Variants in ADAMTSL1 observed in about 807,000 individuals in gnomAD.
ADAMTSL1 encodes the protein ADAMTS like 1.
ADAMTSL1 carries 126 observed loss-of-function variants against 201.8 expected under a neutral mutation model. The ratio of observed to expected loss-of-function variants is 0.62; its 90% confidence interval spans 0.54 to 0.72. The LOEUF is 0.72. ADAMTSL1 is among the 30% of genes least tolerant of loss of function. The pLI is 0.00. For synonymous variants in ADAMTSL1, 1,121 were observed against 903.4 expected (o/e 1.24, Z -4.32); for missense variants, 2,679 against 2,277.8 (o/e 1.18, Z -3.59).
chr9:18,091,095 G>GTA (rs1554693731), intron 1 of ADAMTSL1, among the ~76,000 whole-genome samples: 3 of 151,416 alleles, frequency 2.0e-5, no homozygotes, highest in African/African-American at 7.3e-5. Flanking sequence ...GTGTGTGTGT[G>GTA]TACCTAACTT....
intron 19 of ADAMTSL1, among the ~76,000 whole-genome samples, chr9:18,785,792 A>G (rs968244804): frequency 6.6e-6 from 1 of 152,258 alleles, no homozygotes; most frequent in African/African-American, 2.4e-5. Flanking sequence ...GTCTAAATCC[A>G]GTTCTAGAAA....
chr9:18,133,669 GGT>G lies in ADAMTSL1; in HGVS notation c.88-30192_88-30191del, dbSNP rs1221145090. On this transcript the variant is annotated intron_variant, in intron 1 of 29. Coordinates refer to the ADAMTSL1 transcript ENST00000680146. ...GCCCAGGAACCTGCATTCACACCCA[GGT>G]CCCTATGGCTTCAGAACCCAAATTC... Among the ~76,000 whole-genome samples, 986 of 152,164 alleles carry G rather than the reference GGT, an allele frequency of 6.5e-3. 7 individuals carry two copies. Among genetic ancestry groups the G allele is most frequent in the African/African-American group, 0.023 (936 of 41,500 alleles).
At position 18,905,914 on chromosome 9, in the gene ADAMTSL1, C is replaced by G. The variant is rs748842774; in HGVS notation, c.4961+23C>G. 6 of 1,563,220 alleles carry G rather than the reference C, an allele frequency of 3.8e-6. No individual in the cohort carries two copies. The South Asian group carries it at 5.8e-5, about 15-fold the overall frequency. ...GAGGTAAGAGAAAGCCCTGAATCTCCTTTTCCCAGCCCCATGTCAACAGCA... is the reference window on the plus strand; with the variant it reads ...GAGGTAAGAGAAAGCCCTGAATCTCGTTTTCCCAGCCCCATGTCAACAGCA... On this transcript the variant is annotated intron_variant, in intron 27 of 28. Transcript: ENST00000380548.
At chr9:18,547,392 C>T (rs184354498) in intron 3 of ADAMTSL1, among the ~76,000 whole-genome samples, 2 of 151,658 alleles carry the variant, frequency 1.3e-5, no homozygotes. Context: ...GGTTCAAAAG[C>T]AAGAGAAAAA....
At chr9:18,347,986 A>G (rs1835797484) in intron 2 of ADAMTSL1, among the ~76,000 whole-genome samples, 1 of 152,230 alleles carries the variant, frequency 6.6e-6, no homozygotes, top group African/African-American at 2.4e-5. Context: ...GTTAAAGGGA[A>G]GAAGAAAGGA....
At chr9:18,014,499 A>G (rs1443340616) in intron 1 of ADAMTSL1, among the ~76,000 whole-genome samples, 1 of 152,134 alleles carries the variant, frequency 6.6e-6, no homozygotes, top group Admixed American at 6.5e-5. Context: ...ATATTAAGAT[A>G]GACTAATGAA....
At chr9:18,802,866 G>A (rs1248367406) in intron 20 of ADAMTSL1, among the ~76,000 whole-genome samples, 1 of 152,144 alleles carries the variant, frequency 6.6e-6, no homozygotes, top group African/African-American at 2.4e-5. Context: ...CTCACCAACA[G>A]TTGTTTTCAT....
chr9:18,266,749 G>T (rs963953533), intron 2 of ADAMTSL1, among the ~76,000 whole-genome samples: 3 of 152,066 alleles, frequency 2.0e-5, no homozygotes, highest in Admixed American at 2.0e-4. Flanking sequence ...CAGTAAACAT[G>T]GCCAGCTTCT....
intron 1 of ADAMTSL1, among the ~76,000 whole-genome samples, chr9:18,155,024 TA>T (rs1205825782): frequency 6.6e-6 from 1 of 151,998 alleles, no homozygotes; most frequent in Admixed American, 6.6e-5. Flanking sequence ...GTCACAGATA[TA>T]AGAATTACAC....
At chr9:18,006,095 A>C (rs1314651866) in intron 1 of ADAMTSL1, among the ~76,000 whole-genome samples, 1 of 151,982 alleles carries the variant, frequency 6.6e-6, no homozygotes, top group Non-Finnish European at 1.5e-5. Flanking sequence ...CGGGAAAAAA[A>C]AAAGAAAGCT....
chr9:18,377,476 C>T (rs1420174099), intron 2 of ADAMTSL1, among the ~76,000 whole-genome samples: 3 of 152,144 alleles, frequency 2.0e-5, no homozygotes, highest in Admixed American at 6.5e-5. Context: ...GCAATGCAGA[C>T]GTTGGCATTT....
intron 15 of ADAMTSL1, among the ~76,000 whole-genome samples, chr9:18,734,674 C>T (rs2133503093): frequency 6.6e-6 from 1 of 152,318 alleles, no homozygotes; most frequent in East Asian, 1.9e-4. Flanking sequence ...ATGGATTCAC[C>T]TAATCCAGGT....
At chr9:18,141,553 A>T (rs1196966300) in intron 1 of ADAMTSL1, among the ~76,000 whole-genome samples, 1 of 152,192 alleles carries the variant, frequency 6.6e-6, no homozygotes, top group South Asian at 2.1e-4. Context: ...GGCAGCACAG[A>T]GGTGTCTAGC....
At position 18,906,785 on chromosome 9, in the gene ADAMTSL1, C is replaced by T. The variant is rs141799391; in HGVS notation, c.5055C>T (p.Tyr1685=). The T allele has an allele frequency of 1.9e-5, 31 of 1,614,016 alleles. No individual in the cohort carries two copies. The highest frequency in any genetic ancestry group is 7.7e-5 in the South Asian group (7 of 91,084). The change falls in exon 28 of 29, where the codon TAC becomes TAT. Residue 1685 remains tyrosine, a synonymous_variant. Coordinates refer to ENST00000380548, the MANE Select transcript of ADAMTSL1 (RefSeq NM_001040272.6). ...WTLCTATCGN[Y]GFQSRRVECV... ...TGTGCACAGCTACCTGTGGCAACTA[C>T]GGCTTCCAGTCCCGGCGTGTGGAGT...
At chr9:18,230,716 C>G (rs114419541) in intron 2 of ADAMTSL1, among the ~76,000 whole-genome samples, 1,839 of 152,188 alleles carry the variant, frequency 0.012, 47 homozygotes, top group African/African-American at 0.042. Flanking sequence ...AACATACATG[C>G]ATTACTTTTT....
At chr9:18,806,326 T>C (rs1037289606) in intron 20 of ADAMTSL1, among the ~76,000 whole-genome samples, 1 of 152,248 alleles carries the variant, frequency 6.6e-6, no homozygotes, top group Non-Finnish European at 1.5e-5. Context: ...TCATGTTCCA[T>C]CTGCTAGAAC....
chr9:18,621,613 C>T (rs1402483258), intron 4 of ADAMTSL1, among the ~76,000 whole-genome samples: 1 of 150,112 alleles, frequency 6.7e-6, no homozygotes, highest in East Asian at 2.0e-4. Context: ...AAGTTTGTAT[C>T]TGTTTGCTGA....
At chr9:18,716,333 A>C (rs1466599133) in intron 14 of ADAMTSL1, among the ~76,000 whole-genome samples, 2 of 151,524 alleles carry the variant, frequency 1.3e-5, no homozygotes, top group Non-Finnish European at 3.0e-5. Flanking sequence ...TTCGCAACCT[A>C]CTCATCTGAC....
chr9:18,904,067 T>C (rs1165552828), intron 26 of ADAMTSL1, among the ~76,000 whole-genome samples: 1 of 152,078 alleles, frequency 6.6e-6, no homozygotes, highest in Non-Finnish European at 1.5e-5. Flanking sequence ...ATTCCTGGGC[T>C]CAAGCTTACT....
Sources: allele counts gnomAD v4.1 joint callset (sites outside exome capture counted in the v4.1 genomes callset), GRCh38; gene constraint gnomAD v4.1.1; transcripts MANE v1.5; gene names NCBI Gene and HGNC (gene_info 2026-07-23, HGNC 2026-07-21).